Variants in CAPN13 observed in about 807,000 individuals in gnomAD.
CAPN13 encodes the protein calpain 13.
In CAPN13, 90 loss-of-function variants were observed where a neutral mutation model predicts 98.4. The ratio of observed to expected loss-of-function variants is 0.92; its 90% confidence interval spans 0.77 to 1.09. The LOEUF is 1.09. CAPN13 is among the 50% of genes least tolerant of loss of function. CAPN13 has a pLI of 0.00. For synonymous variants in CAPN13, 330 were observed against 305.5 expected (o/e 1.08, Z -0.84); for missense variants, 887 against 841.3 (o/e 1.05, Z -0.67).
chr2:30,745,897 T>TA (rs1671886204), intron 11 of CAPN13, among the ~76,000 whole-genome samples, 163 bp from the exon 12 acceptor site: 1 of 55,766 alleles, frequency 1.8e-5, no homozygotes, highest in Non-Finnish European at 3.7e-5. Context: ...ATAAAGCATT[T>TA]TTTTTTTTTT....
chr2:30,756,562 T>C (rs1224974389), intron 8 of CAPN13, among the ~76,000 whole-genome samples: 1 of 152,218 alleles, frequency 6.6e-6, no homozygotes, highest in African/African-American at 2.4e-5. Context: ...CCAGGGAATC[T>C]GTCATTGTCA....
chr2:30,804,064 A>C (rs1675457937), intron 1 of CAPN13, among the ~76,000 whole-genome samples: 1 of 152,194 alleles, frequency 6.6e-6, no homozygotes, highest in Non-Finnish European at 1.5e-5. Flanking sequence ...TGCATAGTGG[A>C]GGAGAGTGCC....
chr2:30,775,993 G>C lies in CAPN13; in HGVS notation c.324C>G (p.Tyr108Ter). 6.2e-7 allele frequency: 1 copy of C among 1,613,266 alleles called. No homozygotes were observed. Among genetic ancestry groups the C allele is most frequent in the Non-Finnish European group, 8.5e-7 (1 of 1,179,542 alleles). ...ALGSLTQNPQ[Y>*]RQKILMVQSF... ...TTTGGACCATCAGGATCTTCTGCCT[G>C]TACTGTGGGTTCTGAGTCAAGGATC... is the stretch of plus-strand genomic sequence containing the variant. Residue 108 changes from tyrosine to a stop codon, truncating the protein, a stop_gained, in exon 4 of 23, where the codon TAC (tyrosine) becomes TAG (stop). Transcript: ENST00000295055. LOFTEE classifies it high-confidence loss of function.
Position 30,752,931 on chromosome 2 carries a change from C to G in CAPN13, c.1087+122G>C, listed in dbSNP as rs1283836862. 4 of 1,110,220 alleles carry G rather than the reference C, an allele frequency of 3.6e-6. No individual in the cohort carries two copies. The African/African-American group carries it at 6.2e-5, about 17-fold the overall frequency. The allele number at this position is 1,110,220 out of a possible 1,614,324, so 68.8% of individuals were successfully genotyped here. ...TGTCTCTTCATGCTGACAAACTCCC[C>G]TCCTTTCAGCTTCAGGCTCATGGTC... On this transcript the variant is annotated intron_variant, in intron 10 of 22. Transcript: ENST00000295055.
intron 17 of CAPN13, chr2:30,737,859 C>T (rs987921941): frequency 1.8e-5 from 5 of 278,076 alleles, no homozygotes; most frequent in Admixed American, 1.7e-4. Context: ...TCCTGACTAG[C>T]TGTGTGATCT....
intron 7 of CAPN13, among the ~76,000 whole-genome samples, chr2:30,761,540 G>A (rs1191063156): frequency 3.9e-5 from 6 of 152,128 alleles, no homozygotes; most frequent in East Asian, 1.9e-4. Flanking sequence ...CTGGGTACAC[G>A]AATCCCTTCT....
intron 4 of CAPN13, among the ~76,000 whole-genome samples, chr2:30,775,469 T>A (rs192278193): frequency 7.4e-4 from 112 of 152,050 alleles, no homozygotes; most frequent in African/African-American, 2.0e-3. Context: ...TGGCTTTTTT[T>A]AAAAAAAATA....
intron 3 of CAPN13, 121 bp from the exon 4 acceptor site, chr2:30,776,166 T>A (rs527313305): frequency 2.7e-4 from 155 of 567,952 alleles, no homozygotes; most frequent in Non-Finnish European, 4.3e-4. Context: ...CATTTTTTTT[T>A]CCTCTGAGAG....
At chr2:30,741,325 T>G (rs1671642922) in intron 15 of CAPN13, 1 of 940,702 alleles carries the variant, frequency 1.1e-6, no homozygotes, top group Non-Finnish European at 1.3e-6. Flanking sequence ...GGCGGCAGGG[T>G]AGAGATGATC....
intron 1 of CAPN13, among the ~76,000 whole-genome samples, chr2:30,806,998 T>C (rs960334253): frequency 1.3e-5 from 2 of 152,186 alleles, no homozygotes; most frequent in Non-Finnish European, 2.9e-5. Context: ...GGTCACAACT[T>C]AGAATGATCA....
intron 4 of CAPN13, among the ~76,000 whole-genome samples, chr2:30,771,181 A>G (rs1472873552): frequency 6.6e-6 from 1 of 152,218 alleles, no homozygotes; most frequent in Admixed American, 6.5e-5. Context: ...TTCACCGGGG[A>G]CATGGCCAAA....
At chr2:30,733,639 A>G (rs1276739582) in intron 19 of CAPN13, among the ~76,000 whole-genome samples, 1 of 152,078 alleles carries the variant, frequency 6.6e-6, no homozygotes, top group Non-Finnish European at 1.5e-5. Flanking sequence ...GAAGAGTCCC[A>G]GTTCCACATT....
At chr2:30,725,243 T>TATATTTAAAC (rs1241697483) in intron 22 of CAPN13, among the ~76,000 whole-genome samples, 1 of 151,842 alleles carries the variant, frequency 6.6e-6, no homozygotes, top group African/African-American at 2.4e-5. Flanking sequence ...GTATGAACTT[T>TATATTTAAAC]ATATTTAAAC....
intron 11 of CAPN13, chr2:30,746,545 G>A (rs569152671): frequency 2.1e-4 from 35 of 165,438 alleles, no homozygotes; most frequent in Non-Finnish European, 3.6e-4. Context: ...CCCTTTCCAA[G>A]GCCATGGCTC....
At chr2:30,728,584 G>C (rs1670942697) in intron 22 of CAPN13, among the ~76,000 whole-genome samples, 1 of 152,204 alleles carries the variant, frequency 6.6e-6, no homozygotes, top group African/African-American at 2.4e-5. Context: ...TTGGAGTAGA[G>C]AGCAGGAAAA....
At chr2:30,800,918 CTG>C (rs1345964106) in intron 1 of CAPN13, among the ~76,000 whole-genome samples, 1 of 152,158 alleles carries the variant, frequency 6.6e-6, no homozygotes, top group Non-Finnish European at 1.5e-5. Flanking sequence ...CTCAGAAACA[CTG>C]TGTAATATTT....
At position 30,760,971 on chromosome 2, in the gene CAPN13, TC is replaced by T. The variant is rs548442082; in HGVS notation, c.774+2110del. ...CAGTAGTACTTCCTCAAATGAATTA[TC>T]CCGAATGCCAGTTCCACTGGCCATT... On this transcript the variant is annotated intron_variant, in intron 7 of 22. Transcript: ENST00000295055. 6.1e-3 allele frequency among the ~76,000 whole-genome samples: 927 copies of T among 152,336 alleles called. 12 individuals carry two copies. Among genetic ancestry groups the T allele is most frequent in the Non-Finnish European group, 6.8e-3 (461 of 68,034 alleles).
rs759003055 is a variant in CAPN13, at chr2:30,764,114, G to T, written c.699+18C>A. On this transcript the variant is annotated intron_variant, in intron 6 of 22. Transcript: ENST00000295055. Reference sequence around the variant, plus strand: ...AGGAAAGCTTGAACTGGTGCAAAAGGGCTCCCCAGTGACTTACCCCACTTG... The same window carrying T: ...AGGAAAGCTTGAACTGGTGCAAAAGTGCTCCCCAGTGACTTACCCCACTTG... 1 of 1,552,414 alleles carries T rather than the reference G, an allele frequency of 6.4e-7. No individual in the cohort carries two copies.
At chr2:30,792,669 A>G (rs1674662095) in intron 1 of CAPN13, among the ~76,000 whole-genome samples, 1 of 152,056 alleles carries the variant, frequency 6.6e-6, no homozygotes, top group Admixed American at 6.5e-5. Context: ...AACTTCCTCA[A>G]AAAATAGAGG....
Sources: allele counts gnomAD v4.1 joint callset (sites outside exome capture counted in the v4.1 genomes callset), GRCh38; gene constraint gnomAD v4.1.1; transcripts MANE v1.5; gene names NCBI Gene and HGNC (gene_info 2026-07-23, HGNC 2026-07-21).